PHKA2: variants seen among roughly 807,000 people sequenced by gnomAD.
The protein encoded by PHKA2 is phosphorylase kinase regulatory subunit alpha 2, also known as phosphorylase b kinase regulatory subunit alpha, liver isoform.
PHKA2 carries 31 observed loss-of-function variants against 102.0 expected under a neutral mutation model. The ratio of observed to expected loss-of-function variants is 0.30; its 90% confidence interval spans 0.23 to 0.41. The LOEUF is 0.41. Ranked by LOEUF, PHKA2 falls within the 10% of genes least tolerant of loss-of-function variation. The pLI is 1.00. For synonymous variants in PHKA2, 455 were observed against 416.2 expected (o/e 1.09, Z -1.13); for missense variants, 858 against 1,023.1 (o/e 0.84, Z 2.20).
In PHKA2 at chrX:18,938,594, T is replaced by C. The variant is rs1349547461; in HGVS notation, c.1041+33A>G. On this transcript the variant is annotated intron_variant, in intron 10 of 32. Coordinates refer to ENST00000379942, the MANE Select transcript of PHKA2 (RefSeq NM_000292.3). The stretch of plus-strand genomic sequence containing the variant: ...AATCAGTATACCAGTGGAATGAAAA[T>C]AATTATCAACGTAACACCCAGCATT... The C allele has an allele frequency of 2.6e-6, 3 of 1,173,198 alleles. No homozygotes were observed. In the African/African-American group the frequency reaches 5.3e-5, roughly 21 times the overall value.
intron 1 of PHKA2, among the ~76,000 whole-genome samples, chrX:18,968,638 T>C (rs907482182): frequency 9.1e-6 from 1 of 109,342 alleles, no homozygotes; most frequent in Non-Finnish European, 1.9e-5. Context: ...ACATCAAGCA[T>C]TGGTCATTTG....
chrX:18,952,499 T>C lies in PHKA2; in HGVS notation c.280A>G (p.Arg94Gly). The C allele has an allele frequency of 8.3e-7, 1 of 1,210,167 alleles. No individual in the cohort carries two copies. The highest frequency in any genetic ancestry group is 3.0e-5 in the East Asian group (1 of 33,847). The change falls in exon 3 of 33, where the codon AGA becomes GGA. Residue 94 changes from arginine to glycine, a missense_variant. Arg to Gly is a moderately radical substitution (Grantham distance 125, BLOSUM62 -2). Coordinates refer to ENST00000379942, the MANE Select transcript of PHKA2 (RefSeq NM_000292.3). ...CGTGTGTGGGTTCTGCCTACCTGTC[T>C]CATCATGCACTGGAGAAGACCTCGC... ...LMRGLLQCMM[R>G]QVAKVEKFKH... is the part of the protein sequence containing the mutation.
intron 9 of PHKA2, among the ~76,000 whole-genome samples, chrX:18,939,338 C>A (rs1473749838): frequency 1.8e-5 from 2 of 109,933 alleles, no homozygotes; most frequent in Non-Finnish European, 3.8e-5. Context: ...ATCACACCTG[C>A]CTCACTAATT....
intron 3 of PHKA2, among the ~76,000 whole-genome samples, chrX:18,951,927 T>A (rs1307305008): frequency 1.8e-5 from 2 of 109,496 alleles, no homozygotes. Context: ...TAAAAAAAAA[T>A]GTTTTCTTCT....
At chrX:18,901,254 C>T (rs182445199) in intron 27 of PHKA2, among the ~76,000 whole-genome samples, 96 of 111,110 alleles carry the variant, frequency 8.6e-4, no homozygotes, top group African/African-American at 3.0e-3. Context: ...TTTTCTGGAA[C>T]GTTCATGAGA....
intron 26 of PHKA2, among the ~76,000 whole-genome samples, chrX:18,901,871 C>G (rs1314628660): frequency 9.1e-6 from 1 of 110,010 alleles, no homozygotes; most frequent in African/African-American, 3.3e-5. Flanking sequence ...GAGACGGAGT[C>G]TCACTCTGTC....
intron 7 of PHKA2, among the ~76,000 whole-genome samples, chrX:18,942,434 C>A (rs1476963446): frequency 8.9e-6 from 1 of 111,890 alleles, no homozygotes; most frequent in Non-Finnish European, 1.9e-5. Context: ...ATGTCCAATT[C>A]ACACCTGAGG....
chrX:18,940,464 T>C (rs2048473571), intron 8 of PHKA2, among the ~76,000 whole-genome samples: 1 of 111,700 alleles, frequency 9.0e-6, no homozygotes, highest in African/African-American at 3.3e-5. Flanking sequence ...AAGTTAGGCT[T>C]TGGCTGCAGA....
At chrX:18,932,934 C>T (rs994645302) in intron 11 of PHKA2, among the ~76,000 whole-genome samples, 4 of 110,555 alleles carry the variant, frequency 3.6e-5, no homozygotes, top group African/African-American at 1.3e-4. Flanking sequence ...GCCAACACAG[C>T]GAAACCCTGT....
At chrX:18,944,372 C>T (rs1287532980) in intron 6 of PHKA2, among the ~76,000 whole-genome samples, 1 of 111,592 alleles carries the variant, frequency 9.0e-6, no homozygotes, top group Non-Finnish European at 1.9e-5. Context: ...GTAATAAGTA[C>T]ACTTTCTGTC....
intron 5 of PHKA2, among the ~76,000 whole-genome samples, chrX:18,945,729 C>G (rs572172344): frequency 9.0e-6 from 1 of 111,177 alleles, no homozygotes; most frequent in African/African-American, 3.3e-5. Context: ...GATTGGCTCA[C>G]AATGCTGGCA....
intron 28 of PHKA2, 56 bp downstream of exon 28, chrX:18,900,614 A>C (rs2047663249): frequency 1.8e-6 from 2 of 1,105,674 alleles, no homozygotes; most frequent in Non-Finnish European, 2.5e-6. Flanking sequence ...CTCACTTTCC[A>C]CATTCAAGCC....
chrX:18,931,206 C>T (rs1317416467), intron 12 of PHKA2, among the ~76,000 whole-genome samples: 12 of 112,199 alleles, frequency 1.1e-4, no homozygotes, highest in Middle Eastern at 4.2e-3. Context: ...AAATCCGGCC[C>T]GCCACCTCTT....
intron 30 of PHKA2, 36 bp downstream of exon 30, chrX:18,897,127 C>T (rs1342989802): frequency 1.3e-5 from 16 of 1,195,835 alleles, no homozygotes; most frequent in Admixed American, 4.4e-5. Flanking sequence ...AGTAAGGGGA[C>T]GGTTCACTTC....
chrX:18,957,163 C>G (rs1426772189), intron 1 of PHKA2, among the ~76,000 whole-genome samples: 1 of 112,734 alleles, frequency 8.9e-6, no homozygotes, highest in Non-Finnish European at 1.9e-5. Context: ...CTTGGCCTCC[C>G]AAAGTGCTGG....
At chrX:18,968,836 T>C (rs1451212255) in intron 1 of PHKA2, among the ~76,000 whole-genome samples, 1 of 112,433 alleles carries the variant, frequency 8.9e-6, no homozygotes, top group East Asian at 2.8e-4. Context: ...TTCCCCAAAA[T>C]GCCGGGCAAT....
rs144570979 is a variant in PHKA2 at position 18,901,556 on chromosome X, C to T, written c.2956G>A (p.Glu986Lys). 2.1e-4 allele frequency: 252 copies of T among 1,206,950 alleles called. No homozygotes were observed. In the African/African-American group the frequency reaches 4.1e-3, roughly 19 times the overall value. ...STSSPTISIHEVGHTGVTKTE... is the reference protein window; with the variant it reads ...STSSPTISIHKVGHTGVTKTE... ...TTGGTGACTCCGGTATGGCCCACCT[C>T]GTGGATGGAGATGGTAGGGCTGGAT... is the stretch of plus-strand genomic sequence containing the variant. The change falls in exon 27 of 33, where the codon GAG (glutamate) becomes AAG (lysine). Residue 986 changes from glutamate to lysine, a missense_variant. Coordinates refer to ENST00000379942, the MANE Select transcript of PHKA2 (RefSeq NM_000292.3).
In PHKA2 at chrX:18,893,546, G is replaced by A. The variant is rs922761457; in HGVS notation, c.3647C>T (p.Thr1216Ile). The change falls in exon 33 of 33, where the codon ACA (threonine) becomes ATA (isoleucine). Residue 1216 changes from threonine (T) to isoleucine (I), a missense_variant. By Grantham distance (89) the Thr-to-Ile change is moderately conservative (BLOSUM62 -1). Coordinates refer to ENST00000379942, the MANE Select transcript of PHKA2 (RefSeq NM_000292.3). ...CTGCAAATAAGAAGCCACTGCTCTT[G>A]TTAGGTAGGTCATCGTCCCATAAGC... ...SGAYGTMTYL[T>I]RAVASYLQEL... The A allele has an allele frequency of 2.5e-6, 3 of 1,209,875 alleles. No homozygotes were observed. The highest frequency in any genetic ancestry group is 3.5e-5 in the African/African-American group (2 of 57,300).
At chrX:18,895,754 G>A (rs1325218447) in intron 30 of PHKA2, 1 of 120,776 alleles carries the variant, frequency 8.3e-6, no homozygotes, top group Admixed American at 8.2e-5. Flanking sequence ...GGAAGCATGT[G>A]ATGCCCCAGG....
Sources: allele counts gnomAD v4.1 joint callset (sites outside exome capture counted in the v4.1 genomes callset), GRCh38; gene constraint gnomAD v4.1.1; transcripts MANE v1.5; gene names NCBI Gene and HGNC (gene_info 2026-07-23, HGNC 2026-07-21).